The following CALN1 variants were observed in gnomAD, a reference collection of about 807,000 sequenced individuals.
CALN1 encodes calcium-binding protein 8.
In CALN1, 17 loss-of-function variants were observed where a neutral mutation model predicts 30.6. That is an observed-to-expected ratio of 0.56 (90% CI 0.38 to 0.83). The LOEUF (loss-of-function observed/expected upper bound fraction) is 0.83. Ranked by LOEUF, CALN1 falls within the 40% of genes least tolerant of loss-of-function variation. The pLI, the probability that CALN1 is intolerant of heterozygous loss-of-function variation, is 0.00. For synonymous variants in CALN1, 156 were observed against 131.4 expected, an observed-to-expected ratio of 1.19 and a Z score of -1.28; for missense variants, 291 against 354.9, an observed-to-expected ratio of 0.82 and a Z score of 1.45.
At chr7:71,929,904 C>T (rs184514074) in intron 5 of CALN1, among the ~76,000 whole-genome samples, 1 of 152,260 alleles carries the variant, frequency 6.6e-6, no homozygotes, top group African/African-American at 2.4e-5. Context: ...AGCTGTCCCT[C>T]GGTATCTGTG....
chr7:71,923,778 G>A (rs1795106793), intron 5 of CALN1, among the ~76,000 whole-genome samples: 1 of 141,136 alleles, frequency 7.1e-6, no homozygotes, highest in South Asian at 2.3e-4. Context: ...CTTTTTTAGA[G>A]CACCACAATA....
At chr7:72,359,803 G>A (rs761118483) in intron 2 of CALN1, among the ~76,000 whole-genome samples, 4 of 151,534 alleles carry the variant, frequency 2.6e-5, no homozygotes, top group African/African-American at 9.7e-5. Flanking sequence ...GTGAATCCCC[G>A]TCTCTACTAA....
intron 5 of CALN1, among the ~76,000 whole-genome samples, chr7:71,818,068 G>A (rs1267726207): frequency 1.3e-5 from 2 of 152,022 alleles, no homozygotes; most frequent in Non-Finnish European, 2.9e-5. Context: ...TACTGTGATG[G>A]GAATACAAAA....
chr7:72,012,426 T>C (rs1404022149), intron 5 of CALN1, among the ~76,000 whole-genome samples: 1 of 152,100 alleles, frequency 6.6e-6, no homozygotes. Flanking sequence ...GGCAAGAGAA[T>C]CACTTGACCC....
intron 4 of CALN1, among the ~76,000 whole-genome samples, chr7:72,085,574 C>T (rs545346884): frequency 1.3e-5 from 2 of 152,222 alleles, no homozygotes; most frequent in South Asian, 4.1e-4. Flanking sequence ...AGGGCATATG[C>T]CCCTTGGATA....
chr7:72,238,240 T>C (rs1161640988), intron 3 of CALN1, among the ~76,000 whole-genome samples: 2 of 152,202 alleles, frequency 1.3e-5, no homozygotes, highest in African/African-American at 4.8e-5. Flanking sequence ...TAAGTTTTAA[T>C]ATTTCCATTT....
intron 3 of CALN1, among the ~76,000 whole-genome samples, chr7:72,249,959 A>AAAAG (rs1554337554): frequency 2.9e-4 from 43 of 147,708 alleles, no homozygotes; most frequent in South Asian, 1.9e-3. Flanking sequence ...AAAAAAAAAA[A>AAAAG]AGAGAGAGAG....
the CALN1 span, among the ~76,000 whole-genome samples, chr7:72,475,658 T>C: frequency 9.2e-5 from 14 of 152,300 alleles, no homozygotes; most frequent in East Asian, 2.7e-3. Context: ...TCATGGCATA[T>C]GCCTTTTGCA....
chr7:72,172,946 G>A (rs905852500), intron 3 of CALN1, among the ~76,000 whole-genome samples: 4 of 151,418 alleles, frequency 2.6e-5, no homozygotes, highest in African/African-American at 9.7e-5. Flanking sequence ...TGTATCCTAG[G>A]TCTTAGCCAT....
intron 5 of CALN1, among the ~76,000 whole-genome samples, chr7:71,823,139 G>GTT (rs1243475238): frequency 6.6e-6 from 1 of 151,436 alleles, no homozygotes; most frequent in Non-Finnish European, 1.5e-5. Context: ...CCCCCTCAAA[G>GTT]TTGTTGAAGC....
intron 3 of CALN1, among the ~76,000 whole-genome samples, chr7:72,137,331 G>C (rs1400496203): frequency 6.6e-6 from 1 of 152,116 alleles, no homozygotes; most frequent in Non-Finnish European, 1.5e-5. Context: ...TACAACGGTG[G>C]TGTTTTGTTC....
chr7:72,386,459 T>A (rs1805215130), intron 2 of CALN1, among the ~76,000 whole-genome samples: 1 of 152,190 alleles, frequency 6.6e-6, no homozygotes. Context: ...ATGGGTAAAT[T>A]GGTTAACAAT....
chr7:71,902,738 A>G (rs1007145519), intron 5 of CALN1, among the ~76,000 whole-genome samples: 6 of 152,198 alleles, frequency 3.9e-5, no homozygotes, highest in African/African-American at 1.4e-4. Flanking sequence ...AAGATGTGCA[A>G]TTCATAAAGA....
chr7:71,920,104 G>T (rs1003469637), intron 5 of CALN1, among the ~76,000 whole-genome samples: 1 of 152,144 alleles, frequency 6.6e-6, no homozygotes, highest in Non-Finnish European at 1.5e-5. Context: ...TTAAAGGATT[G>T]CAGACATGTT....
chr7:72,355,040 C>G (rs1213547603), intron 2 of CALN1, among the ~76,000 whole-genome samples: 3 of 152,208 alleles, frequency 2.0e-5, no homozygotes, highest in Admixed American at 2.0e-4. Context: ...CCCGGAATAG[C>G]TGGGACTACA....
rs545702534 is a variant in CALN1 at position 71,991,992 on chromosome 7, C to G, written c.501+31665G>C. Reference sequence around the variant, plus strand: ...CAGCTGTAACCTAGGCAGCTATAACCTTTGTTTGTATGATTATAGATTATT... The same window carrying G: ...CAGCTGTAACCTAGGCAGCTATAACGTTTGTTTGTATGATTATAGATTATT... On this transcript the variant is annotated intron_variant, in intron 5 of 6. Coordinates refer to ENST00000395275, the MANE Select transcript of CALN1 (RefSeq NM_031468.4). Among the ~76,000 whole-genome samples the G allele has an allele frequency of 2.6e-4, 40 of 152,294 alleles. 1 individual carries two copies. In the South Asian group the frequency reaches 8.1e-3, roughly 31 times the overall value.
chr7:71,839,225 A>T (rs1480978349), intron 5 of CALN1, among the ~76,000 whole-genome samples: 2 of 152,136 alleles, frequency 1.3e-5, no homozygotes, highest in East Asian at 3.9e-4. Flanking sequence ...TGCTGTAACC[A>T]TCTTGTAACC....
At chr7:71,818,006 A>G (rs534035239) in intron 5 of CALN1, among the ~76,000 whole-genome samples, 1 of 152,242 alleles carries the variant, frequency 6.6e-6, no homozygotes, top group East Asian at 1.9e-4. Flanking sequence ...TGTAGTGCAA[A>G]AAGATTTATA....
At chr7:72,246,322 T>C (rs1795154480) in intron 3 of CALN1, among the ~76,000 whole-genome samples, 1 of 152,118 alleles carries the variant, frequency 6.6e-6, no homozygotes, top group Non-Finnish European at 1.5e-5. Context: ...GACACCATTG[T>C]GAGGGGTGAG....
Sources: gnomAD v4.1 joint callset for allele counts (sites outside exome capture counted in the v4.1 genomes callset) on GRCh38, gnomAD v4.1.1 for gene constraint, MANE v1.5 for transcripts, NCBI Gene and HGNC (gene_info 2026-07-23, HGNC 2026-07-21) for gene names.